Variants in PCDH15 observed in about 807,000 individuals in gnomAD.
The protein encoded by PCDH15 is protocadherin related 15, also known as protocadherin-15.
In PCDH15, 129 loss-of-function variants were observed where a neutral mutation model predicts 178.5. The ratio of observed to expected loss-of-function variants is 0.72; its 90% CI spans 0.63 to 0.84. The LOEUF (loss-of-function observed/expected upper bound fraction) is 0.84. Ranked by LOEUF, PCDH15 falls within the 40% of genes least tolerant of loss-of-function variation. The pLI is 0.00. For missense variants in PCDH15, 2,230 were observed against 2,099.9 expected, an observed-to-expected ratio of 1.06 and a Z score of -1.21; for synonymous variants, 800 against 732.0, an observed-to-expected ratio of 1.09 and a Z score of -1.50.
chr10:55,608,491 G>A (rs1843283901), intron 2 of PCDH15, among the ~76,000 whole-genome samples: 1 of 151,642 alleles, frequency 6.6e-6, no homozygotes, highest in Admixed American at 6.6e-5. Flanking sequence ...TCCTTGGCGA[G>A]GTAAAAATTA....
At chr10:54,724,582 T>G (rs925455443) in intron 1 of PCDH15, among the ~76,000 whole-genome samples, 2 of 151,526 alleles carry the variant, frequency 1.3e-5, no homozygotes. Context: ...GTAGTATATC[T>G]TCACTGAAAA....
chr10:53,968,252 T>G (rs2089265133), intron 21 of PCDH15, among the ~76,000 whole-genome samples: 1 of 152,180 alleles, frequency 6.6e-6, no homozygotes. Flanking sequence ...CCTCACTCAC[T>G]GCTAGCATAG....
chr10:54,279,158 A>G (rs1442413450), intron 8 of PCDH15, among the ~76,000 whole-genome samples: 1 of 151,564 alleles, frequency 6.6e-6, no homozygotes, highest in Admixed American at 6.6e-5. Flanking sequence ...ATATTAGCTT[A>G]AATAACACAA....
chr10:54,889,625 C>A (rs1191188586), intron 3 of PCDH15, among the ~76,000 whole-genome samples: 1 of 150,900 alleles, frequency 6.6e-6, no homozygotes, highest in Non-Finnish European at 1.5e-5. Flanking sequence ...TTGGTCTATA[C>A]TATGACTACT....
intron 15 of PCDH15, among the ~76,000 whole-genome samples, chr10:54,094,461 C>T (rs189910969): frequency 2.0e-5 from 3 of 151,938 alleles, no homozygotes; most frequent in Non-Finnish European, 2.9e-5. Flanking sequence ...GAGTAAGTCA[C>T]GTGGGGAAGA....
rs34685396 is a variant in PCDH15 at position 53,963,561 on chromosome 10, ACT to A, written c.2869-1671_2869-1670del. ...ATATCAAATTTTAATATCTGGCTAA[ACT>A]CTGAACATTTTAAGTCCAAACTAGT... On this transcript the variant is annotated intron_variant, in intron 21 of 37. Transcript: ENST00000644397. Among the ~76,000 whole-genome samples the A allele has an allele frequency of 1.1e-3, 160 of 152,240 alleles. 1 individual carries two copies. Among genetic ancestry groups the A allele is most frequent in the African/African-American group, 3.6e-3 (151 of 41,540 alleles).
At chr10:54,713,837 G>T (rs1020470908) in intron 1 of PCDH15, among the ~76,000 whole-genome samples, 14 of 152,082 alleles carry the variant, frequency 9.2e-5, no homozygotes, top group African/African-American at 3.4e-4. Flanking sequence ...TATCAAAAAG[G>T]TTAAATCCTT....
At chr10:54,702,031 T>C (rs1294759736) in intron 1 of PCDH15, among the ~76,000 whole-genome samples, 1 of 152,034 alleles carries the variant, frequency 6.6e-6, no homozygotes, top group Admixed American at 6.6e-5. Flanking sequence ...TGACACATAC[T>C]ATATAATCAA....
At chr10:54,695,289 C>T (rs950522911) in intron 1 of PCDH15, among the ~76,000 whole-genome samples, 2 of 152,044 alleles carry the variant, frequency 1.3e-5, no homozygotes, top group Non-Finnish European at 2.9e-5. Context: ...TCAAACCAAC[C>T]ACAACATTCC....
At chr10:55,332,524 C>G (rs1844228928) in intron 2 of PCDH15, among the ~76,000 whole-genome samples, 1 of 152,040 alleles carries the variant, frequency 6.6e-6, no homozygotes. Flanking sequence ...ACTAGAGAAC[C>G]AAATTATTGA....
chr10:54,471,533 T>G (rs2077918254), intron 3 of PCDH15, among the ~76,000 whole-genome samples: 1 of 152,186 alleles, frequency 6.6e-6, no homozygotes, highest in Admixed American at 6.5e-5. Context: ...GATCTACTTT[T>G]GTTTAATTTT....
Position 55,532,351 on chromosome 10 carries a change from T to C in PCDH15, c.-156+95274A>G, listed in dbSNP as rs535447324. 2.6e-5 allele frequency among the ~76,000 whole-genome samples: 4 copies of C among 152,182 alleles called. No individual in the cohort carries two copies. The East Asian group carries it at 7.7e-4, about 29-fold the overall frequency. ...ATACTTGGTGAAACTTGTTTCACAA[T>C]CTTTTCTGCTTTTTTTCCATAATTA... is the stretch of plus-strand genomic sequence containing the variant. On this transcript the variant is annotated intron_variant, in intron 2 of 5. Coordinates refer to the PCDH15 transcript ENST00000613346.
intron 26 of PCDH15, among the ~76,000 whole-genome samples, chr10:53,888,317 T>TACAC (rs59834221): frequency 9.4e-6 from 1 of 106,426 alleles, no homozygotes; most frequent in Non-Finnish European, 1.7e-5. Context: ...TATGTATATA[T>TACAC]GTACGTATAT....
chr10:54,961,889 C>T (rs1838665755), intron 2 of PCDH15, among the ~76,000 whole-genome samples: 1 of 151,984 alleles, frequency 6.6e-6, no homozygotes, highest in South Asian at 2.1e-4. Context: ...GTCTTCTCTA[C>T]TTTCACTGGG....
intron 2 of PCDH15, among the ~76,000 whole-genome samples, chr10:54,911,755 A>C (rs553609502): frequency 6.6e-6 from 1 of 152,158 alleles, no homozygotes; most frequent in African/African-American, 2.4e-5. Flanking sequence ...TGGTTGGTTG[A>C]TAAGTGTCTG....
chr10:54,402,816 C>G (rs1445841629), intron 3 of PCDH15, among the ~76,000 whole-genome samples: 1 of 151,956 alleles, frequency 6.6e-6, no homozygotes, highest in Non-Finnish European at 1.5e-5. Context: ...TTCTCCATCT[C>G]TTCAGGCCTC....
intron 5 of PCDH15, among the ~76,000 whole-genome samples, chr10:54,351,508 C>T (rs1319720326): frequency 6.6e-6 from 1 of 151,958 alleles, no homozygotes. Context: ...ATTAATTATT[C>T]TTATTTATAT....
intron 3 of PCDH15, among the ~76,000 whole-genome samples, chr10:54,813,893 T>G (rs1952906618): frequency 6.6e-6 from 1 of 152,190 alleles, no homozygotes; most frequent in Admixed American, 6.5e-5. Context: ...TTTTCAAAAT[T>G]TATTTTATTC....
At chr10:54,813,198 T>A (rs996578095) in intron 3 of PCDH15, among the ~76,000 whole-genome samples, 2 of 152,140 alleles carry the variant, frequency 1.3e-5, no homozygotes, top group Non-Finnish European at 1.5e-5. Flanking sequence ...ACATTTAGAT[T>A]TTGTCCTAGG....
Sources: allele counts gnomAD v4.1 joint callset (sites outside exome capture counted in the v4.1 genomes callset), GRCh38; gene constraint gnomAD v4.1.1; transcripts MANE v1.5; gene names NCBI Gene and HGNC (gene_info 2026-07-23, HGNC 2026-07-21).